SLC25A20: variants seen among roughly 807,000 people sequenced by gnomAD.
The protein encoded by SLC25A20 is mitochondrial carnitine/acylcarnitine carrier protein.
SLC25A20 carries 29 observed loss-of-function variants against 39.7 expected under a neutral mutation model. The observed-to-expected ratio is 0.73, with a 90% CI of 0.54 to 1.00. The LOEUF is 1.00. SLC25A20 is among the 50% of genes least tolerant of loss of function. SLC25A20 has a pLI of 0.00. For missense variants in SLC25A20, 333 were observed against 379.9 expected (o/e 0.88, Z 1.03); for synonymous variants, 103 against 142.2 (o/e 0.72, Z 1.96).
chr3:48,886,506 A>G (rs575183089), intron 2 of SLC25A20, among the ~76,000 whole-genome samples: 2 of 152,086 alleles, frequency 1.3e-5, no homozygotes, highest in South Asian at 4.1e-4. Flanking sequence ...CTGGGCAACA[A>G]GAGTAAAACT....
In SLC25A20 at chr3:48,857,529, C is replaced by T. The variant is rs1191041965; in HGVS notation, c.*181G>A. ...AATGAATTCAAGTTTCAAAATGACA[C>T]ACTAAGTTATACACGGTGCAGGATG... On this transcript the variant is annotated 3_prime_UTR_variant, in exon 9 of 9. Transcript: ENST00000319017. 1.6e-6 allele frequency: 1 copy of T among 623,162 alleles called. No individual in the cohort carries two copies. Among genetic ancestry groups the T allele is most frequent in the African/African-American group, 1.9e-5 (1 of 53,998 alleles). The allele number at this position is 623,162 out of a possible 1,614,324, so 38.6% of individuals were successfully genotyped here.
At chr3:48,887,407 A>T (rs924680839) in intron 2 of SLC25A20, among the ~76,000 whole-genome samples, 1 of 152,242 alleles carries the variant, frequency 6.6e-6, no homozygotes, top group African/African-American at 2.4e-5. Context: ...TATACAAGAC[A>T]TTCTCACCAC....
In SLC25A20 at chr3:48,898,821, T is replaced by C. The variant is rs939379369; in HGVS notation, c.-27A>G. The C allele has an allele frequency of 6.5e-7, 1 of 1,548,652 alleles. No individual in the cohort carries two copies. Among genetic ancestry groups the C allele is most frequent in the Admixed American group, 2.0e-5 (1 of 51,092 alleles). On this transcript the variant is annotated 5_prime_UTR_variant, in exon 1 of 9. Transcript: ENST00000319017. Reference sequence around the variant, plus strand: ...GTCAGTCCGTCTGTCACTCCGTCTGTCAGTTCTCGGGCCGTCCTGGCTTCT... The same window carrying C: ...GTCAGTCCGTCTGTCACTCCGTCTGCCAGTTCTCGGGCCGTCCTGGCTTCT...
rs559616865 is a variant in SLC25A20 at position 48,887,100 on chromosome 3, G to T, written c.199-2976C>A. Among the ~76,000 whole-genome samples the T allele has an allele frequency of 2.0e-5, 3 of 152,296 alleles. 1 individual carries two copies. In the South Asian group the frequency reaches 6.2e-4, roughly 32 times the overall value. Reference sequence around the variant, plus strand: ...AGGCAGTAAATGGGAAAAGGACAGAGATCTGAGGAGGATCTGCAAAAGTAG... The same window carrying T: ...AGGCAGTAAATGGGAAAAGGACAGATATCTGAGGAGGATCTGCAAAAGTAG... On this transcript the variant is annotated intron_variant, in intron 2 of 8. Transcript: ENST00000319017.
intron 7 of SLC25A20, 102 bp downstream of exon 7, chr3:48,858,990 T>C: frequency 1.1e-6 from 1 of 898,024 alleles, no homozygotes; most frequent in African/African-American, 1.6e-5. Context: ...GGTGCTGCCA[T>C]GGAGAGTGAG....
chr3:48,876,772 C>T (rs1410930708), intron 4 of SLC25A20, among the ~76,000 whole-genome samples: 1 of 151,844 alleles, frequency 6.6e-6, no homozygotes, highest in Non-Finnish European at 1.5e-5. Flanking sequence ...AATGATTACA[C>T]TCTAAGGGCT....
At chr3:48,883,321 G>A (rs1355292550) in intron 3 of SLC25A20, among the ~76,000 whole-genome samples, 1 of 151,940 alleles carries the variant, frequency 6.6e-6, no homozygotes, top group East Asian at 1.9e-4. Context: ...GGGAGGCCGA[G>A]GCGGGTGGAT....
Position 48,882,022 on chromosome 3 carries a change from C to T in SLC25A20, c.326+1975G>A, listed in dbSNP as rs190928521. On this transcript the variant is annotated intron_variant, in intron 3 of 8. Coordinates refer to ENST00000319017, the MANE Select transcript of SLC25A20 (RefSeq NM_000387.6). ...GCCTGAAGTGGTGACAGAATACAAC[C>T]GCATGGCGCCCTGGGCTTCCTCCCT... is the stretch of plus-strand genomic sequence containing the variant. Among the ~76,000 whole-genome samples, 12 of 152,312 alleles carry T rather than the reference C, an allele frequency of 7.9e-5. 1 individual carries two copies. The highest frequency in any genetic ancestry group is 7.2e-4 in the Admixed American group (11 of 15,286).
chr3:48,884,127 G>A lies in SLC25A20; in HGVS notation c.199-3C>T, dbSNP rs371233859. The A allele has an allele frequency of 2.5e-6, 4 of 1,613,144 alleles. No homozygotes were observed. Among genetic ancestry groups the A allele is most frequent in the Non-Finnish European group, 3.4e-6 (4 of 1,179,414 alleles). ...CCCCGATATAGCCCCGTGATGCCCTGCAAGGAATCACAGAAGCAGAAGCTG... is the reference window on the plus strand; with the variant it reads ...CCCCGATATAGCCCCGTGATGCCCTACAAGGAATCACAGAAGCAGAAGCTG... On this transcript the variant is annotated splice_region_variant and splice_polypyrimidine_tract_variant and intron_variant, in intron 2 of 8. Transcript: ENST00000319017.
At chr3:48,858,393 T>C (rs2083596882) in intron 8 of SLC25A20, 114 bp downstream of exon 8, 9 of 1,477,426 alleles carry the variant, frequency 6.1e-6, no homozygotes, top group Non-Finnish European at 8.4e-6. Flanking sequence ...TGGCTGAAGA[T>C]AGGGCTTTGG....
intron 1 of SLC25A20, among the ~76,000 whole-genome samples, chr3:48,895,228 G>A (rs932837809): frequency 6.6e-6 from 1 of 152,186 alleles, no homozygotes; most frequent in African/African-American, 2.4e-5. Flanking sequence ...GGTTGGTCTC[G>A]AACGTCCAAT....
chr3:48,891,848 G>A (rs1160751978), intron 2 of SLC25A20, 132 bp downstream of exon 2: 17 of 782,906 alleles, frequency 2.2e-5, no homozygotes, highest in Non-Finnish European at 3.7e-5. Context: ...ACAGGGTGGC[G>A]TGGTGAAGGA....
chr3:48,889,520 T>C (rs970934248), intron 2 of SLC25A20, among the ~76,000 whole-genome samples: 2 of 152,162 alleles, frequency 1.3e-5, no homozygotes, highest in African/African-American at 4.8e-5. Flanking sequence ...TTTATTCATA[T>C]GCGCTTCTGA....
At chr3:48,872,687 C>CAA (rs551848720) in intron 4 of SLC25A20, among the ~76,000 whole-genome samples, 6 of 65,636 alleles carry the variant, frequency 9.1e-5, no homozygotes, top group South Asian at 8.7e-4. Flanking sequence ...CCCATCCTTA[C>CAA]AAAAAAAAAA....
intron 4 of SLC25A20, among the ~76,000 whole-genome samples, chr3:48,876,572 T>C (rs2083758803): frequency 6.6e-6 from 1 of 150,942 alleles, no homozygotes; most frequent in African/African-American, 2.4e-5. Flanking sequence ...ATTACAAGCA[T>C]GCACCACCAC....
At chr3:48,857,900 A>C in intron 8 of SLC25A20, 128 bp from the exon 9 acceptor site, 1 of 740,522 alleles carries the variant, frequency 1.4e-6, no homozygotes, top group Non-Finnish European at 2.4e-6. Flanking sequence ...ACTCCACATC[A>C]AGGATGCAAG....
intron 4 of SLC25A20, among the ~76,000 whole-genome samples, chr3:48,873,353 A>G (rs2106647185): frequency 6.6e-6 from 1 of 152,174 alleles, no homozygotes; most frequent in South Asian, 2.1e-4. Flanking sequence ...GCTTATGCCT[A>G]TAATCCCAGC....
intron 5 of SLC25A20, among the ~76,000 whole-genome samples, chr3:48,860,247 G>A: frequency 6.6e-6 from 1 of 151,500 alleles, no homozygotes; most frequent in African/African-American, 2.4e-5. Context: ...GTTGCAGTGA[G>A]CTGAGACTGC....
chr3:48,894,067 A>G (rs565633790), intron 1 of SLC25A20, among the ~76,000 whole-genome samples: 4 of 149,060 alleles, frequency 2.7e-5, no homozygotes, highest in Admixed American at 6.7e-5. Context: ...AGGCTGAGGC[A>G]GGAGAATTGC....
Sources: gnomAD v4.1 joint callset for allele counts (sites outside exome capture counted in the v4.1 genomes callset) on GRCh38, gnomAD v4.1.1 for gene constraint, MANE v1.5 for transcripts, NCBI Gene and HGNC (gene_info 2026-07-23, HGNC 2026-07-21) for gene names.